Variants in MCMDC2 observed in about 807,000 individuals in gnomAD.
MCMDC2 encodes the protein minichromosome maintenance domain containing 2, also known as minichromosome maintenance domain-containing protein 2.
In MCMDC2, 54 loss-of-function variants were observed where a neutral mutation model predicts 75.8. That is an observed-to-expected ratio of 0.71 (90% CI 0.57 to 0.89). The LOEUF is 0.89. MCMDC2 is among the 40% of genes least tolerant of loss of function. The pLI, the probability that MCMDC2 is intolerant of heterozygous loss-of-function variation, is 0.00. For synonymous variants in MCMDC2, 249 were observed against 274.6 expected, an observed-to-expected ratio of 0.91 and a Z score of 0.92; for missense variants, 656 against 780.4, an observed-to-expected ratio of 0.84 and a Z score of 1.90.
intron 14 of MCMDC2, among the ~76,000 whole-genome samples, chr8:66,918,522 A>T (rs1813404995): frequency 6.6e-6 from 1 of 152,178 alleles, no homozygotes; most frequent in South Asian, 2.1e-4. Context: ...GAATGGTTTT[A>T]ACAACTGAGA....
chr8:66,911,107 A>C (rs1813101594), intron 14 of MCMDC2, among the ~76,000 whole-genome samples: 1 of 152,104 alleles, frequency 6.6e-6, no homozygotes, highest in South Asian at 2.1e-4. Context: ...AAGGGACATG[A>C]GATTTGGGAG....
At chr8:66,891,247 G>C (rs532927441) in intron 10 of MCMDC2, among the ~76,000 whole-genome samples, 177 bp downstream of exon 10, 1 of 152,328 alleles carries the variant, frequency 6.6e-6, no homozygotes, top group Non-Finnish European at 1.5e-5. Context: ...CAAATGCCCA[G>C]TTTTAGCCTT....
At chr8:66,903,756 G>A (rs189777359) in intron 13 of MCMDC2, among the ~76,000 whole-genome samples, 47 of 152,098 alleles carry the variant, frequency 3.1e-4, no homozygotes, top group Non-Finnish European at 6.5e-4. Flanking sequence ...TAGAGAAGTG[G>A]AGCTGAACAA....
chr8:66,925,935 C>T (rs1208348405), downstream of MCMDC2, among the ~76,000 whole-genome samples: 1 of 152,172 alleles, frequency 6.6e-6, no homozygotes, highest in Non-Finnish European at 1.5e-5. Flanking sequence ...CACCCGATGT[C>T]AGGAGTTCGA....
At chr8:66,890,832 A>G (rs763073823) in intron 9 of MCMDC2, 33 bp from the exon 10 acceptor site, 8 of 1,531,014 alleles carry the variant, frequency 5.2e-6, no homozygotes, top group Non-Finnish European at 7.1e-6. Context: ...AAAATTAAAT[A>G]ATAGTAATGA....
chr8:66,907,552 A>G (rs556143399), intron 14 of MCMDC2, among the ~76,000 whole-genome samples: 1 of 152,300 alleles, frequency 6.6e-6, no homozygotes, highest in Admixed American at 6.5e-5. Flanking sequence ...ATGTGTCTTT[A>G]TAGTAGAATG....
At chr8:66,915,090 G>A (rs1217602255) in intron 14 of MCMDC2, among the ~76,000 whole-genome samples, 1 of 152,078 alleles carries the variant, frequency 6.6e-6, no homozygotes, top group Non-Finnish European at 1.5e-5. Context: ...AGCACTTTGG[G>A]AGGCCAAAGC....
Position 66,891,029 on chromosome 8 carries a change from T to C in MCMDC2, c.1238T>C (p.Leu413Ser), listed in dbSNP as rs1400477950. The change falls in exon 10 of 15, where the codon TTG becomes TCG. Residue 413 changes from leucine to serine, a missense_variant. By Grantham distance (145) the Leu-to-Ser change is moderately radical. Coordinates refer to ENST00000422365, the MANE Select transcript of MCMDC2 (RefSeq NM_173518.5). Reference sequence around the variant, plus strand: ...GGTGGTATCTGCTTTATAGGAGACTTGGCTTCACACAAAAAAGATAAACTT... The same window carrying C: ...GGTGGTATCTGCTTTATAGGAGACTCGGCTTCACACAAAAAAGATAAACTT... The part of the protein sequence containing the change: ...AKGGICFIGD[L>S]ASHKKDKLEQ... The C allele has an allele frequency of 6.3e-7, 1 of 1,592,326 alleles. No individual in the cohort carries two copies. Among genetic ancestry groups the C allele is most frequent in the East Asian group, 2.2e-5 (1 of 44,788 alleles).
At chr8:66,898,002 G>A (rs531234892) in intron 12 of MCMDC2, among the ~76,000 whole-genome samples, 3 of 152,108 alleles carry the variant, frequency 2.0e-5, no homozygotes, top group African/African-American at 4.8e-5. Flanking sequence ...GTTGAAAGGC[G>A]AAATCGTCTT....
chr8:66,874,357 C>T lies in MCMDC2; in HGVS notation c.126C>T (p.Phe42=), dbSNP rs762494087. ...DSKQSYAVYR[F]KILINPSDVV... ...AACAAAGCTATGCTGTCTATCGATT[C>T]AAAATTTTAATAAATCCCTCTGATG... is the stretch of plus-strand genomic sequence containing the variant. Residue 42 remains phenylalanine (F), a synonymous_variant, in exon 3 of 15, where the codon TTC becomes TTT. Transcript: ENST00000422365. 3.0e-5 allele frequency: 48 copies of T among 1,612,562 alleles called. No homozygotes were observed. The highest frequency in any genetic ancestry group is 4.0e-5 in the Non-Finnish European group (47 of 1,179,658).
At chr8:66,918,968 T>C (rs1270378995) in intron 14 of MCMDC2, 35 bp from the exon 15 acceptor site, 1 of 1,405,000 alleles carries the variant, frequency 7.1e-7, no homozygotes, top group African/African-American at 1.5e-5. Flanking sequence ...TTAAGGAGTA[T>C]TTGTCATTTA....
chr8:66,915,201 G>A (rs768345826), intron 14 of MCMDC2, among the ~76,000 whole-genome samples: 1 of 152,016 alleles, frequency 6.6e-6, no homozygotes, highest in African/African-American at 2.4e-5. Flanking sequence ...GGTGGCTCAC[G>A]CCAGCACTTT....
At chr8:66,872,773 C>T (rs1811084217) in intron 1 of MCMDC2, among the ~76,000 whole-genome samples, 1 of 152,036 alleles carries the variant, frequency 6.6e-6, no homozygotes, top group Non-Finnish European at 1.5e-5. Context: ...ACCTGGCCAA[C>T]ATGGTGAAAC....
chr8:66,902,831 T>C (rs1399586018), intron 13 of MCMDC2, among the ~76,000 whole-genome samples: 3 of 141,452 alleles, frequency 2.1e-5, no homozygotes, highest in South Asian at 2.2e-4. Context: ...TATGAGAAAA[T>C]AGAACTCTTA....
At chr8:66,881,544 G>A (rs1344492678) in intron 8 of MCMDC2, among the ~76,000 whole-genome samples, 1 of 152,206 alleles carries the variant, frequency 6.6e-6, no homozygotes, top group Non-Finnish European at 1.5e-5. Flanking sequence ...AAAGTAGCTG[G>A]GCATGGTGGC....
At chr8:66,897,568 G>C (rs928225420) in intron 12 of MCMDC2, among the ~76,000 whole-genome samples, 1 of 152,036 alleles carries the variant, frequency 6.6e-6, no homozygotes. Flanking sequence ...CTCAACGAAA[G>C]AAAACCAACA....
intron 13 of MCMDC2, among the ~76,000 whole-genome samples, chr8:66,902,692 C>CAA (rs530805303): frequency 0.045 from 2,551 of 57,140 alleles, 199 homozygotes; most frequent in Non-Finnish European, 0.058. Flanking sequence ...GATTCTGTCT[C>CAA]AAAAAAAAAA....
intron 9 of MCMDC2, among the ~76,000 whole-genome samples, chr8:66,886,862 C>T (rs1290481647): frequency 1.3e-5 from 2 of 152,002 alleles, no homozygotes; most frequent in Admixed American, 6.5e-5. Flanking sequence ...TAAAGAGTTC[C>T]TCTTGTTTCC....
At chr8:66,898,624 CAA>C (rs1405645692) in intron 12 of MCMDC2, among the ~76,000 whole-genome samples, 31 of 58,576 alleles carry the variant, frequency 5.3e-4, no homozygotes, top group Admixed American at 5.5e-4. Flanking sequence ...AACTCCGTCT[CAA>C]AAAAAAAAAA....
Sources: allele counts gnomAD v4.1 joint callset (sites outside exome capture counted in the v4.1 genomes callset), GRCh38; gene constraint gnomAD v4.1.1; transcripts MANE v1.5; gene names NCBI Gene and HGNC (gene_info 2026-07-23, HGNC 2026-07-21).